Variants in FARP1 observed in about 807,000 individuals in gnomAD.
FARP1 encodes FERM, ARHGEF and pleckstrin domain-containing protein 1.
FARP1 carries 52 observed loss-of-function variants against 128.8 expected under a neutral mutation model. The ratio of observed to expected loss-of-function variants is 0.40; its 90% CI spans 0.32 to 0.51. The LOEUF (loss-of-function observed/expected upper bound fraction) is 0.51, where lower values mean the gene tolerates loss of function less well. Ranked by LOEUF, FARP1 falls within the 20% of genes least tolerant of loss-of-function variation. The pLI is 0.45. For synonymous variants in FARP1, 580 were observed against 551.8 expected (o/e 1.05, Z -0.72); for missense variants, 1,333 against 1,367.9 (o/e 0.97, Z 0.40).
At chr13:98,239,588 T>C (rs1188128386) in intron 2 of FARP1, among the ~76,000 whole-genome samples, 2 of 151,884 alleles carry the variant, frequency 1.3e-5, no homozygotes, top group Non-Finnish European at 2.9e-5. Flanking sequence ...GGGGCTGAGG[T>C]CCGGATTAGG....
intron 1 of FARP1, among the ~76,000 whole-genome samples, chr13:98,196,943 G>T (rs1397551800): frequency 6.6e-6 from 1 of 152,076 alleles, no homozygotes; most frequent in Non-Finnish European, 1.5e-5. Context: ...CCAGGATAAG[G>T]TACCCTTTAC....
At chr13:98,217,828 G>A (rs535593441) in intron 2 of FARP1, among the ~76,000 whole-genome samples, 2 of 152,288 alleles carry the variant, frequency 1.3e-5, no homozygotes, top group South Asian at 2.1e-4. Context: ...CATATCCTAC[G>A]CCGCAGCGGT....
intron 13 of FARP1, chr13:98,399,920 A>C (rs1205650408): frequency 6.6e-6 from 1 of 152,220 alleles, no homozygotes; most frequent in Non-Finnish European, 1.5e-5. Context: ...AATACATTTA[A>C]TGAGCTCCAG....
intron 3 of FARP1, among the ~76,000 whole-genome samples, chr13:98,358,055 C>A (rs1160784413): frequency 6.6e-6 from 1 of 151,904 alleles, no homozygotes; most frequent in Non-Finnish European, 1.5e-5. Context: ...GGCACTGTTA[C>A]CTCTAATACA....
chr13:98,414,958 ACAATGGAGTGAATTTC>A (rs1891321634), intron 16 of FARP1, among the ~76,000 whole-genome samples: 1 of 152,252 alleles, frequency 6.6e-6, no homozygotes, highest in Non-Finnish European at 1.5e-5. Context: ...CAAAATTGAA[ACAATGGAGTGAATTTC>A]CAAAGAAGCA....
At chr13:98,199,566 C>G (rs930956497) in intron 1 of FARP1, among the ~76,000 whole-genome samples, 33 of 152,298 alleles carry the variant, frequency 2.2e-4, no homozygotes, top group Admixed American at 2.1e-3. Flanking sequence ...ATTGAGTAAG[C>G]AAAGCCAGTA....
chr13:98,194,716 C>T lies in FARP1; in HGVS notation c.-23-18504C>T, dbSNP rs542175032. On this transcript the variant is annotated intron_variant, in intron 1 of 26. Transcript: ENST00000319562. ...AGTCTGTAATATTTTGATACATCAA[C>T]AAGGGGGACCTAGTCCTTAAATGGA... Among the ~76,000 whole-genome samples the T allele has an allele frequency of 7.9e-5, 12 of 152,308 alleles. No homozygotes were observed. The South Asian group carries it at 2.5e-3, about 32-fold the overall frequency.
chr13:98,330,686 C>T (rs1471629744), intron 2 of FARP1, among the ~76,000 whole-genome samples: 1 of 151,588 alleles, frequency 6.6e-6, no homozygotes, highest in Non-Finnish European at 1.5e-5. Context: ...ACCTGGGAGG[C>T]GGAGGTTGCA....
At chr13:98,293,656 T>C (rs536742508) in intron 2 of FARP1, among the ~76,000 whole-genome samples, 48 of 152,236 alleles carry the variant, frequency 3.2e-4, no homozygotes, top group African/African-American at 1.1e-3. Context: ...TCACAACTTA[T>C]CCTGAATGTG....
intron 6 of FARP1, among the ~76,000 whole-genome samples, chr13:98,383,342 C>T (rs1333990584): frequency 6.6e-6 from 1 of 152,136 alleles, no homozygotes; most frequent in Non-Finnish European, 1.5e-5. Flanking sequence ...GAAATCAGTC[C>T]AGAAAAGGCA....
Position 98,384,714 on chromosome 13 carries a change from T to G in FARP1, c.497-16T>G, listed in dbSNP as rs1415941615. 6 of 1,541,076 alleles carry G rather than the reference T, an allele frequency of 3.9e-6. No homozygotes were observed. In the Admixed American group the frequency reaches 5.0e-5, roughly 13 times the overall value. ...TCATTCCTACGTGACCTGTTTTTCTTTCTGTTTCTTTTTAGCTGAGATTGG... is the reference window on the plus strand; with the variant it reads ...TCATTCCTACGTGACCTGTTTTTCTGTCTGTTTCTTTTTAGCTGAGATTGG... On this transcript the variant is annotated splice_polypyrimidine_tract_variant and intron_variant, in intron 6 of 26. Coordinates refer to ENST00000319562, the MANE Select transcript of FARP1 (RefSeq NM_005766.4).
At chr13:98,244,601 A>C (rs1395442889) in intron 2 of FARP1, 3 of 1,614,202 alleles carry the variant, frequency 1.9e-6, no homozygotes, top group Non-Finnish European at 2.5e-6. Flanking sequence ...AGAAGTTTGG[A>C]GAGGACAGAA....
chr13:98,285,920 C>G (rs574991557), intron 2 of FARP1, among the ~76,000 whole-genome samples: 1 of 152,306 alleles, frequency 6.6e-6, no homozygotes, highest in Non-Finnish European at 1.5e-5. Flanking sequence ...CGGCCCCTTC[C>G]TGGCCCGTTT....
chr13:98,346,398 C>T (rs1410641402), intron 3 of FARP1, among the ~76,000 whole-genome samples: 2 of 149,500 alleles, frequency 1.3e-5, no homozygotes, highest in African/African-American at 2.4e-5. Context: ...CCATGTTGGC[C>T]AGACTGGTCT....
rs1261459939 is a variant in FARP1, at chr13:98,450,178, T to C, written c.*1861T>C. The C allele has an allele frequency of 1.3e-5, 2 of 152,122 alleles. No homozygotes were observed. Among genetic ancestry groups the C allele is most frequent in the African/African-American group, 4.8e-5 (2 of 41,416 alleles). The allele number at this position is 152,122 out of a possible 1,614,324, so 9.4% of individuals were successfully genotyped here. A position where few individuals can be genotyped will look rare whatever the true frequency, so the allele number is the denominator to read the frequency against. Reference sequence around the variant, plus strand: ...AGTGGAGTTTGAGACACACTACACATGAGACACACAATGATGCAGATACTC... The same window carrying C: ...AGTGGAGTTTGAGACACACTACACACGAGACACACAATGATGCAGATACTC... On this transcript the variant is annotated 3_prime_UTR_variant, in exon 27 of 27. Coordinates refer to ENST00000319562, the MANE Select transcript of FARP1 (RefSeq NM_005766.4).
chr13:98,291,479 G>C (rs1262275984), intron 2 of FARP1, among the ~76,000 whole-genome samples: 2 of 152,268 alleles, frequency 1.3e-5, no homozygotes, highest in East Asian at 3.9e-4. Context: ...CTGTGAAACT[G>C]GCCTTTGCTT....
At chr13:98,278,486 A>T (rs984063296) in intron 2 of FARP1, among the ~76,000 whole-genome samples, 5 of 152,130 alleles carry the variant, frequency 3.3e-5, no homozygotes, top group African/African-American at 1.2e-4. Context: ...TGTGTTGTGT[A>T]ACTCACCAGA....
intron 2 of FARP1, among the ~76,000 whole-genome samples, chr13:98,320,508 A>T (rs1886942493): frequency 1.3e-5 from 2 of 152,168 alleles, no homozygotes; most frequent in Admixed American, 6.5e-5. Flanking sequence ...TAACCTCTTT[A>T]TCCCTAGCAG....
At chr13:98,232,535 A>G (rs1012861269) in intron 2 of FARP1, among the ~76,000 whole-genome samples, 1 of 152,066 alleles carries the variant, frequency 6.6e-6, no homozygotes, top group Non-Finnish European at 1.5e-5. Flanking sequence ...TATTGGCCCC[A>G]TTTTTCCAAC....
Sources: allele counts gnomAD v4.1 joint callset (sites outside exome capture counted in the v4.1 genomes callset), GRCh38; gene constraint gnomAD v4.1.1; transcripts MANE v1.5; gene names NCBI Gene and HGNC (gene_info 2026-07-23, HGNC 2026-07-21).